DOK6: variants seen among roughly 807,000 people sequenced by gnomAD.
The protein encoded by DOK6 is downstream of tyrosine kinase 6.
A neutral mutation model predicts 44.0 loss-of-function variants in DOK6; 22 were observed. That is an observed-to-expected ratio of 0.50 (90% CI 0.36 to 0.71). The LOEUF is 0.71. DOK6 is among the 30% of genes least tolerant of loss of function. The pLI is 0.00. For synonymous variants in DOK6, 166 were observed against 145.5 expected, an observed-to-expected ratio of 1.14 and a Z score of -1.01; for missense variants, 340 against 416.4, an observed-to-expected ratio of 0.82 and a Z score of 1.60.
intron 1 of DOK6, among the ~76,000 whole-genome samples, chr18:69,490,679 C>T (rs1006112760): frequency 3.9e-5 from 6 of 152,092 alleles, no homozygotes; most frequent in Admixed American, 3.9e-4. Context: ...GAATTACCTC[C>T]ATTATGTGCA....
At chr18:69,438,846 G>A (rs1177751293) in intron 1 of DOK6, among the ~76,000 whole-genome samples, 1 of 152,122 alleles carries the variant, frequency 6.6e-6, no homozygotes, top group Non-Finnish European at 1.5e-5. Context: ...CAAAGTGGGT[G>A]GATTGCATGA....
At chr18:69,513,183 T>C (rs1981422780) in intron 1 of DOK6, among the ~76,000 whole-genome samples, 1 of 152,254 alleles carries the variant, frequency 6.6e-6, no homozygotes, top group Non-Finnish European at 1.5e-5. Flanking sequence ...TACTCATTTC[T>C]GTTCACATAT....
intron 1 of DOK6, among the ~76,000 whole-genome samples, chr18:69,544,755 C>A (rs952572443): frequency 6.6e-6 from 1 of 151,520 alleles, no homozygotes; most frequent in African/African-American, 2.4e-5. Context: ...TGACTTTCAC[C>A]TCTATGGCTG....
chr18:69,539,482 T>TTC (rs398120628), intron 1 of DOK6, among the ~76,000 whole-genome samples: 1 of 150,682 alleles, frequency 6.6e-6, no homozygotes, highest in African/African-American at 2.5e-5. Context: ...TTTTTTTTTT[T>TTC]CCACATATAG....
In DOK6 at chr18:69,702,442, T is replaced by C. The variant is rs1404782766; in HGVS notation, c.599+3849T>C. Among the ~76,000 whole-genome samples the C allele has an allele frequency of 3.3e-5, 5 of 152,130 alleles. No individual in the cohort carries two copies. The East Asian group carries it at 7.7e-4, about 23-fold the overall frequency. ...AAACACAAGACATGAAGTGCCAACATTGCACAGAGCTTCAATTGAAGTGAG... is the reference window on the plus strand; with the variant it reads ...AAACACAAGACATGAAGTGCCAACACTGCACAGAGCTTCAATTGAAGTGAG... On this transcript the variant is annotated intron_variant, in intron 5 of 7. Coordinates refer to ENST00000382713, the MANE Select transcript of DOK6 (RefSeq NM_152721.6).
intron 7 of DOK6, among the ~76,000 whole-genome samples, chr18:69,797,797 T>C (rs1354748740): frequency 6.6e-6 from 1 of 152,166 alleles, no homozygotes; most frequent in African/African-American, 2.4e-5. Flanking sequence ...CATTTCTTCT[T>C]ACTATTCATT....
At position 69,557,965 on chromosome 18, in the gene DOK6, T is replaced by C. The variant is rs140582377; in HGVS notation, c.67-6522T>C. Among the ~76,000 whole-genome samples the C allele has an allele frequency of 3.9e-3, 593 of 152,274 alleles. 5 individuals are homozygous for C. Among genetic ancestry groups the C allele is most frequent in the African/African-American group, 0.013 (537 of 41,570 alleles). On this transcript the variant is annotated intron_variant, in intron 1 of 7. Coordinates refer to ENST00000382713, the MANE Select transcript of DOK6 (RefSeq NM_152721.6). ...TCCCACCTACTGCTAATGGAGGTCA[T>C]TAATTTATGTCCCATTCTCATGGGA...
intron 4 of DOK6, among the ~76,000 whole-genome samples, chr18:69,685,819 T>C (rs1986140580): frequency 1.3e-5 from 2 of 152,194 alleles, no homozygotes; most frequent in East Asian, 3.9e-4. Flanking sequence ...TAACATCTTT[T>C]TGTAGTACGG....
rs182720611 is a variant in DOK6, at chr18:69,460,068, T to C, written c.66+58758T>C. On this transcript the variant is annotated intron_variant, in intron 1 of 7. Coordinates refer to ENST00000382713, the MANE Select transcript of DOK6 (RefSeq NM_152721.6). ...GTGAGAGCTTATTTAAGCTGACTTC[T>C]GGGCCCTTTTGCCATTTCATTGTTA... is the stretch of plus-strand genomic sequence containing the variant. 2.2e-4 allele frequency among the ~76,000 whole-genome samples: 34 copies of C among 152,336 alleles called. No individual in the cohort carries two copies. In the East Asian group the frequency reaches 6.6e-3, roughly 29 times the overall value.
chr18:69,707,403 G>C (rs1381152352), intron 5 of DOK6, among the ~76,000 whole-genome samples: 3 of 152,164 alleles, frequency 2.0e-5, no homozygotes, highest in African/African-American at 7.2e-5. Flanking sequence ...GTTCTACTAA[G>C]AGGCAAGAGC....
chr18:69,739,109 G>T lies in DOK6; in HGVS notation c.738+6G>T, dbSNP rs749362289. On this transcript the variant is annotated splice_donor_region_variant and intron_variant, in intron 6 of 7. Coordinates refer to ENST00000382713, the MANE Select transcript of DOK6 (RefSeq NM_152721.6). ...AAATGGAACAGAAGGCCCGGGTAAG[G>T]CCCCTTCCTTGGTAACCTATCAGCT... is the stretch of plus-strand genomic sequence containing the variant. 1.6e-5 allele frequency: 26 copies of T among 1,613,518 alleles called. No individual in the cohort carries two copies. The highest frequency in any genetic ancestry group is 1.1e-4 in the South Asian group (10 of 91,066).
chr18:69,504,124 A>T lies in DOK6; in HGVS notation c.67-60363A>T, dbSNP rs147550290. On this transcript the variant is annotated intron_variant, in intron 1 of 7. Transcript: ENST00000382713. ...GTTGTCTAGTCTGAGAGTTAATGGG[A>T]TAAGTTTCAGATAGAGAACTGTCAT... Among the ~76,000 whole-genome samples, 1,022 of 152,148 alleles carry T rather than the reference A, an allele frequency of 6.7e-3. 14 individuals carry two copies. The highest frequency in any genetic ancestry group is 0.023 in the African/African-American group (948 of 41,552).
chr18:69,793,498 A>T (rs1205043650), intron 7 of DOK6, among the ~76,000 whole-genome samples: 2 of 152,158 alleles, frequency 1.3e-5, no homozygotes, highest in Non-Finnish European at 2.9e-5. Flanking sequence ...CTCCAGTGCC[A>T]CTTTACATGT....
chr18:69,692,715 G>C (rs574673025), intron 4 of DOK6, among the ~76,000 whole-genome samples: 1 of 152,258 alleles, frequency 6.6e-6, no homozygotes, highest in Admixed American at 6.5e-5. Flanking sequence ...TTTTGCCTGT[G>C]ACTCTAGTTA....
chr18:69,797,364 TGTTAGAGTGTTG>T (rs1166162628), intron 7 of DOK6, among the ~76,000 whole-genome samples: 8 of 152,178 alleles, frequency 5.3e-5, no homozygotes, highest in African/African-American at 1.9e-4. Context: ...GTTGTAAAGT[TGTTAGAGTGTTG>T]CCTCAGGAAG....
intron 3 of DOK6, among the ~76,000 whole-genome samples, chr18:69,626,915 G>A (rs1984569062): frequency 6.6e-6 from 1 of 152,214 alleles, no homozygotes; most frequent in Non-Finnish European, 1.5e-5. Flanking sequence ...GAAAGGAAGG[G>A]ATGGGGCCTC....
At chr18:69,728,625 G>GA (rs34090517) in intron 5 of DOK6, among the ~76,000 whole-genome samples, 4,921 of 143,368 alleles carry the variant, frequency 0.034, 136 homozygotes, top group East Asian at 0.091. Flanking sequence ...TTAGTATACT[G>GA]AAAAAAAAAA....
At chr18:69,717,892 G>A (rs953618318) in intron 5 of DOK6, among the ~76,000 whole-genome samples, 2 of 152,212 alleles carry the variant, frequency 1.3e-5, no homozygotes, top group Admixed American at 6.5e-5. Flanking sequence ...ACTAACCATG[G>A]TAGGGGCAGT....
chr18:69,657,573 G>A (rs887735543), intron 3 of DOK6, among the ~76,000 whole-genome samples: 3 of 152,132 alleles, frequency 2.0e-5, no homozygotes, highest in African/African-American at 7.2e-5. Context: ...TATAACAGGC[G>A]AAAGCTACCA....
Sources: gnomAD v4.1 joint callset for allele counts (sites outside exome capture counted in the v4.1 genomes callset) on GRCh38, gnomAD v4.1.1 for gene constraint, MANE v1.5 for transcripts, NCBI Gene and HGNC (gene_info 2026-07-23, HGNC 2026-07-21) for gene names.